SYT1: variants seen among roughly 807,000 people sequenced by gnomAD.
SYT1 encodes synaptotagmin-1.
SYT1 carries 8 observed loss-of-function variants against 44.8 expected under a neutral mutation model. The observed-to-expected ratio is 0.18, with a 90% CI of 0.10 to 0.32. The LOEUF is 0.32. Ranked by LOEUF, SYT1 falls within the 10% of genes least tolerant of loss-of-function variation. The pLI is 1.00. For missense variants in SYT1, 286 were observed against 509.3 expected, an observed-to-expected ratio of 0.56 and a Z score of 4.22; for synonymous variants, 154 against 188.8, an observed-to-expected ratio of 0.82 and a Z score of 1.51.
intron 9 of SYT1, among the ~76,000 whole-genome samples, chr12:79,376,564 C>T (rs1195479044): frequency 6.6e-6 from 1 of 152,134 alleles, no homozygotes; most frequent in African/African-American, 2.4e-5. Flanking sequence ...TTATGCTGAC[C>T]TCCTTTCTCA....
At chr12:79,241,568 T>G (rs1876515429) in intron 4 of SYT1, among the ~76,000 whole-genome samples, 1 of 152,210 alleles carries the variant, frequency 6.6e-6, no homozygotes, top group African/African-American at 2.4e-5. Context: ...CTACACTGAC[T>G]TTGAATGTGT....
intron 1 of SYT1, among the ~76,000 whole-genome samples, chr12:78,905,073 C>T (rs1411960980): frequency 6.6e-6 from 1 of 152,132 alleles, no homozygotes; most frequent in Non-Finnish European, 1.5e-5. Flanking sequence ...TACCTGAATA[C>T]ATCCAATAGT....
chr12:79,315,140 T>G (rs931275059), intron 8 of SYT1, among the ~76,000 whole-genome samples: 2 of 152,210 alleles, frequency 1.3e-5, no homozygotes, highest in African/African-American at 4.8e-5. Flanking sequence ...TTATGGTATG[T>G]GAATAAATAC....
chr12:79,253,483 GTC>G (rs60179268), intron 4 of SYT1, among the ~76,000 whole-genome samples: 33,586 of 129,072 alleles, frequency 0.26, 4,883 homozygotes, highest in Admixed American at 0.38. Context: ...CCATTGCCCA[GTC>G]TCTCTCTCTC....
At chr12:79,381,012 G>A (rs968712524) in intron 9 of SYT1, among the ~76,000 whole-genome samples, 1 of 152,180 alleles carries the variant, frequency 6.6e-6, no homozygotes, top group Admixed American at 6.5e-5. Flanking sequence ...TAATTCCTAC[G>A]ACAAAACTAG....
intron 9 of SYT1, among the ~76,000 whole-genome samples, chr12:79,439,754 G>A (rs1870295832): frequency 6.6e-6 from 1 of 152,086 alleles, no homozygotes; most frequent in African/African-American, 2.4e-5. Context: ...CCACAAAGAG[G>A]TGAAATAACT....
chr12:79,047,964 T>C (rs1874196650), intron 3 of SYT1, among the ~76,000 whole-genome samples: 1 of 151,892 alleles, frequency 6.6e-6, no homozygotes, highest in African/African-American at 2.4e-5. Context: ...TACATGTTGA[T>C]GTCAATCTTT....
chr12:78,886,501 C>A (rs1874760258), intron 1 of SYT1, among the ~76,000 whole-genome samples: 1 of 151,918 alleles, frequency 6.6e-6, no homozygotes, highest in Non-Finnish European at 1.5e-5. Context: ...TTAATCATCA[C>A]CTAAATGTTG....
At chr12:78,917,937 CT>C (rs1428948116) in intron 1 of SYT1, among the ~76,000 whole-genome samples, 1 of 152,044 alleles carries the variant, frequency 6.6e-6, no homozygotes, top group African/African-American at 2.4e-5. Context: ...TTTGGTAAGG[CT>C]TTTAAGTACT....
At chr12:78,984,237 T>C (rs914536817) in intron 2 of SYT1, among the ~76,000 whole-genome samples, 2 of 151,916 alleles carry the variant, frequency 1.3e-5, no homozygotes, top group African/African-American at 4.8e-5. Context: ...TGATGGTTTT[T>C]AATTCCCTGG....
chr12:79,241,263 T>A (rs375791860), intron 4 of SYT1, among the ~76,000 whole-genome samples: 4 of 13,456 alleles, frequency 3.0e-4, no homozygotes, highest in East Asian at 2.5e-3. Context: ...CACTGGCAAC[T>A]TTTTTTTTTT....
intron 1 of SYT1, among the ~76,000 whole-genome samples, chr12:78,904,255 C>G (rs1875829262): frequency 6.6e-6 from 1 of 152,084 alleles, no homozygotes; most frequent in Non-Finnish European, 1.5e-5. Flanking sequence ...TGGTCATGAT[C>G]TGCATATGAC....
At chr12:79,386,755 A>T (rs1355713517) in intron 9 of SYT1, among the ~76,000 whole-genome samples, 2 of 152,172 alleles carry the variant, frequency 1.3e-5, no homozygotes, top group East Asian at 1.9e-4. Context: ...TCCTGAAGTT[A>T]TTAGTTTCCA....
chr12:79,338,923 T>G (rs996681822), intron 8 of SYT1, among the ~76,000 whole-genome samples: 2 of 151,134 alleles, frequency 1.3e-5, no homozygotes, highest in Admixed American at 6.6e-5. Flanking sequence ...GCAGTGTTTG[T>G]TTTTCTGTCC....
At chr12:78,917,195 A>G (rs963209464) in intron 1 of SYT1, among the ~76,000 whole-genome samples, 2 of 152,052 alleles carry the variant, frequency 1.3e-5, no homozygotes, top group African/African-American at 2.4e-5. Context: ...CCTTGTGGCT[A>G]CACAGAACAA....
At chr12:79,066,612 C>T (rs187603907) in intron 3 of SYT1, among the ~76,000 whole-genome samples, 10 of 152,054 alleles carry the variant, frequency 6.6e-5, no homozygotes, top group Admixed American at 6.6e-4. Context: ...GTGAATTATA[C>T]TTAATCTAAT....
At chr12:79,089,004 T>C (rs1022386787) in intron 3 of SYT1, among the ~76,000 whole-genome samples, 1 of 151,976 alleles carries the variant, frequency 6.6e-6, no homozygotes, top group Non-Finnish European at 1.5e-5. Flanking sequence ...ATTTTAGACA[T>C]GTTAATAATA....
At chr12:79,438,719 T>C (rs1308089802) in intron 9 of SYT1, among the ~76,000 whole-genome samples, 1 of 152,226 alleles carries the variant, frequency 6.6e-6, no homozygotes, top group Non-Finnish European at 1.5e-5. Flanking sequence ...AAAGTAGTCA[T>C]CTGGTCACCA....
intron 8 of SYT1, among the ~76,000 whole-genome samples, chr12:79,345,607 T>C (rs1395430232): frequency 6.6e-6 from 1 of 152,238 alleles, no homozygotes; most frequent in Non-Finnish European, 1.5e-5. Context: ...ATTCAGTCTT[T>C]CTAGCCTGAA....
Sources: gnomAD v4.1 joint callset for allele counts (sites outside exome capture counted in the v4.1 genomes callset) on GRCh38, gnomAD v4.1.1 for gene constraint, MANE v1.5 for transcripts, NCBI Gene and HGNC (gene_info 2026-07-23, HGNC 2026-07-21) for gene names.